Variants in CPNE8 observed in about 807,000 individuals in gnomAD.
CPNE8 encodes the protein copine-8.
In CPNE8, 45 loss-of-function variants were observed where a neutral mutation model predicts 81.5. That is an observed-to-expected ratio of 0.55 (90% CI 0.44 to 0.71). The LOEUF (loss-of-function observed/expected upper bound fraction) is 0.71. Among genes scored for constraint, CPNE8 ranks in the 30% least tolerant of loss-of-function variants. The pLI, the probability that CPNE8 is intolerant of heterozygous loss-of-function variation, is 0.00. For synonymous variants in CPNE8, 252 were observed against 226.3 expected (o/e 1.11, Z -1.02); for missense variants, 594 against 672.1 (o/e 0.88, Z 1.28).
At chr12:38,885,907 G>A (rs900141158) in intron 1 of CPNE8, among the ~76,000 whole-genome samples, 3 of 151,992 alleles carry the variant, frequency 2.0e-5, no homozygotes, top group East Asian at 1.9e-4. Context: ...ATGTAAAGAC[G>A]TGCCTGCCTC....
In CPNE8 at chr12:38,798,401, T is replaced by C. The variant is rs1371713279; in HGVS notation, c.408-22100A>G. Among the ~76,000 whole-genome samples, 9 of 152,236 alleles carry C rather than the reference T, an allele frequency of 5.9e-5. No individual in the cohort carries two copies. In the East Asian group the frequency reaches 1.7e-3, roughly 29 times the overall value. ...GACAGTGGGGGCCAATATTCAACTTTCTTAAAGAAAAGAATTTTCAACCCA... is the reference window on the plus strand; with the variant it reads ...GACAGTGGGGGCCAATATTCAACTTCCTTAAAGAAAAGAATTTTCAACCCA... On this transcript the variant is annotated intron_variant, in intron 6 of 19. Coordinates refer to ENST00000331366, the MANE Select transcript of CPNE8 (RefSeq NM_153634.3).
chr12:38,859,658 C>T (rs938428884), intron 3 of CPNE8, among the ~76,000 whole-genome samples: 1 of 152,092 alleles, frequency 6.6e-6, no homozygotes, highest in African/African-American at 2.4e-5. Flanking sequence ...TATCACACTT[C>T]CTGATTTCAA....
intron 6 of CPNE8, among the ~76,000 whole-genome samples, chr12:38,819,782 A>AG (rs1480867227): frequency 2.0e-5 from 3 of 151,402 alleles, no homozygotes; most frequent in African/African-American, 7.3e-5. Context: ...AAAAAAAAAA[A>AG]AAAAAAAGAG....
intron 6 of CPNE8, among the ~76,000 whole-genome samples, chr12:38,805,675 ATT>A (rs1942781826): frequency 5.6e-5 from 2 of 35,886 alleles, no homozygotes; most frequent in African/African-American, 9.4e-5. Context: ...AAAAAAAAAC[ATT>A]AAAAAAAAAA....
At chr12:38,723,403 T>A (rs560708077) in intron 13 of CPNE8, among the ~76,000 whole-genome samples, 209 of 152,302 alleles carry the variant, frequency 1.4e-3, no homozygotes, top group African/African-American at 4.8e-3. Context: ...CCTTTAATAT[T>A]CTTAACCTAG....
At chr12:38,810,761 AGTGGTCTAT>A (rs958809997) in intron 6 of CPNE8, among the ~76,000 whole-genome samples, 10 of 152,102 alleles carry the variant, frequency 6.6e-5, no homozygotes, top group Admixed American at 5.9e-4. Flanking sequence ...CAAAGTGTCA[AGTGGTCTAT>A]GTTTTTATCT....
At chr12:38,853,546 C>T (rs1356648139) in intron 3 of CPNE8, among the ~76,000 whole-genome samples, 1 of 151,762 alleles carries the variant, frequency 6.6e-6, no homozygotes, top group African/African-American at 2.4e-5. Context: ...CTTTTATTCA[C>T]CAAGTATGAA....
chr12:38,667,153 T>C (rs1939074593), intron 19 of CPNE8, among the ~76,000 whole-genome samples: 2 of 152,192 alleles, frequency 1.3e-5, no homozygotes, highest in Admixed American at 6.5e-5. Context: ...ATTTCAATTG[T>C]GTTGTGTGTA....
intron 1 of CPNE8, among the ~76,000 whole-genome samples, chr12:38,879,634 A>G (rs1485453080): frequency 1.3e-5 from 2 of 152,174 alleles, no homozygotes; most frequent in Non-Finnish European, 2.9e-5. Context: ...CCTGCTCAGC[A>G]GATAAAATCA....
chr12:38,874,667 C>T (rs1944042272), intron 1 of CPNE8, among the ~76,000 whole-genome samples, 156 bp from the exon 2 acceptor site: 1 of 151,970 alleles, frequency 6.6e-6, no homozygotes, highest in African/African-American at 2.4e-5. Flanking sequence ...AAACATGTCC[C>T]AAGGGTCTGC....
At chr12:38,679,807 T>A in intron 16 of CPNE8, 2 of 465,198 alleles carry the variant, frequency 4.3e-6, no homozygotes, top group African/African-American at 2.1e-5. Context: ...TTAGTTATTT[T>A]AAAAATATTA....
chr12:38,879,364 C>T (rs1944117169), intron 1 of CPNE8, among the ~76,000 whole-genome samples: 1 of 151,844 alleles, frequency 6.6e-6, no homozygotes, highest in Admixed American at 6.6e-5. Flanking sequence ...TTTCTCCCTC[C>T]TCGAATTGTC....
intron 16 of CPNE8, among the ~76,000 whole-genome samples, chr12:38,682,537 G>A (rs1028679110): frequency 2.0e-5 from 3 of 152,174 alleles, no homozygotes; most frequent in Non-Finnish European, 4.4e-5. Context: ...CAGCCTGGGC[G>A]ACAGAGCAAA....
chr12:38,734,802 C>T (rs886129996), intron 10 of CPNE8, among the ~76,000 whole-genome samples: 5 of 152,062 alleles, frequency 3.3e-5, no homozygotes, highest in South Asian at 2.1e-4. Flanking sequence ...GACACTTATA[C>T]ATTTTGTCAA....
At chr12:38,882,427 G>A (rs1160059129) in intron 1 of CPNE8, among the ~76,000 whole-genome samples, 2 of 152,112 alleles carry the variant, frequency 1.3e-5, no homozygotes, top group Admixed American at 6.5e-5. Flanking sequence ...ATTTCAGCCC[G>A]GCAATACTGA....
chr12:38,829,881 G>A (rs1943256474), intron 5 of CPNE8, among the ~76,000 whole-genome samples: 1 of 152,148 alleles, frequency 6.6e-6, no homozygotes, highest in African/African-American at 2.4e-5. Context: ...TGATGCAGTA[G>A]CCTCAACTAG....
At chr12:38,825,354 T>C (rs1346343523) in intron 6 of CPNE8, among the ~76,000 whole-genome samples, 3 of 152,096 alleles carry the variant, frequency 2.0e-5, no homozygotes, top group Non-Finnish European at 4.4e-5. Context: ...GCTTATTAGA[T>C]TGATTCAGGA....
At chr12:38,701,494 TTTTA>T (rs1939945816) in intron 14 of CPNE8, among the ~76,000 whole-genome samples, 1 of 152,092 alleles carries the variant, frequency 6.6e-6, no homozygotes, top group African/African-American at 2.4e-5. Context: ...TGTTTGTTTG[TTTTA>T]TTTTGTTTTG....
chr12:38,738,806 C>CT (rs5797590), intron 10 of CPNE8, among the ~76,000 whole-genome samples: 28 of 50,054 alleles, frequency 5.6e-4, no homozygotes, highest in African/African-American at 9.9e-4. Flanking sequence ...TTTTTCTTTT[C>CT]TTTTTTTTTT....
Sources: gnomAD v4.1 joint callset for allele counts (sites outside exome capture counted in the v4.1 genomes callset) on GRCh38, gnomAD v4.1.1 for gene constraint, MANE v1.5 for transcripts, NCBI Gene and HGNC (gene_info 2026-07-23, HGNC 2026-07-21) for gene names.